MARCHF1: variants seen among roughly 807,000 people sequenced by gnomAD.
MARCHF1 encodes E3 ubiquitin-protein ligase MARCHF1.
Under a neutral mutation model 54.2 loss-of-function variants are expected in MARCHF1, and 40 were observed. The observed-to-expected ratio is 0.74, with a 90% CI of 0.57 to 0.96. MARCHF1 has a LOEUF of 0.96. MARCHF1 is among the 40% of genes least tolerant of loss of function. The pLI, the probability that MARCHF1 is intolerant of heterozygous loss-of-function variation, is 0.00. For synonymous variants in MARCHF1, 236 were observed against 236.3 expected, an observed-to-expected ratio of 1.00 and a Z score of 0.01; for missense variants, 586 against 656.5, an observed-to-expected ratio of 0.89 and a Z score of 1.17.
At chr4:164,321,656 T>C (rs1410234410) in intron 1 of MARCHF1, among the ~76,000 whole-genome samples, 1 of 152,122 alleles carries the variant, frequency 6.6e-6, no homozygotes, top group East Asian at 1.9e-4. Flanking sequence ...TGATAAGGTG[T>C]CATTCATCTT....
chr4:163,532,916 A>T (rs1294180457), intron 9 of MARCHF1, among the ~76,000 whole-genome samples: 3 of 152,012 alleles, frequency 2.0e-5, no homozygotes, highest in African/African-American at 7.2e-5. Context: ...CATTGCTGAT[A>T]GGTATGCAAA....
chr4:164,326,921 A>G (rs548813438), intron 1 of MARCHF1, among the ~76,000 whole-genome samples: 2 of 149,448 alleles, frequency 1.3e-5, no homozygotes, highest in East Asian at 4.0e-4. Flanking sequence ...ATAGGGGGTT[A>G]ATAATAGTAC....
chr4:163,873,084 C>CA (rs1248246825), intron 3 of MARCHF1, among the ~76,000 whole-genome samples: 63 of 145,082 alleles, frequency 4.3e-4, no homozygotes, highest in East Asian at 2.9e-3. Flanking sequence ...AACAAACAAA[C>CA]AAACAAAAAA....
intron 7 of MARCHF1, among the ~76,000 whole-genome samples, chr4:163,606,733 G>A (rs150309351): frequency 1.0e-3 from 152 of 152,018 alleles, no homozygotes; most frequent in African/African-American, 3.4e-3. Flanking sequence ...TGGTACTACT[G>A]CAGTTCTTTT....
At chr4:163,673,473 A>T (rs1322930513) in intron 5 of MARCHF1, among the ~76,000 whole-genome samples, 1 of 152,172 alleles carries the variant, frequency 6.6e-6, no homozygotes, top group Non-Finnish European at 1.5e-5. Context: ...AATAATAAAA[A>T]CAGAGGAACT....
At chr4:164,141,814 G>C (rs984172608) in intron 1 of MARCHF1, among the ~76,000 whole-genome samples, 2 of 152,212 alleles carry the variant, frequency 1.3e-5, no homozygotes, top group African/African-American at 2.4e-5. Context: ...GTTGGGGGGA[G>C]GAGCCAAGAT....
intron 3 of MARCHF1, among the ~76,000 whole-genome samples, chr4:163,927,624 T>C (rs1239072529): frequency 2.0e-5 from 3 of 151,832 alleles, no homozygotes; most frequent in African/African-American, 7.2e-5. Context: ...ATGAAACAGG[T>C]TGCCTGGTTA....
intron 2 of MARCHF1, among the ~76,000 whole-genome samples, chr4:164,052,318 G>A (rs1754389847): frequency 6.6e-6 from 1 of 152,036 alleles, no homozygotes; most frequent in Non-Finnish European, 1.5e-5. Flanking sequence ...GATCAATTGA[G>A]GTCAGGAGTT....
At chr4:163,650,313 G>A (rs1742919842) in intron 5 of MARCHF1, among the ~76,000 whole-genome samples, 1 of 151,962 alleles carries the variant, frequency 6.6e-6, no homozygotes, top group South Asian at 2.1e-4. Flanking sequence ...TTAAAGGTTA[G>A]AAGTAAATAT....
intron 4 of MARCHF1, among the ~76,000 whole-genome samples, chr4:163,780,564 A>T (rs1038974): frequency 0.84 from 127,712 of 152,022 alleles, 54,436 homozygotes; most frequent in East Asian, 0.95. Context: ...GTCCTGAGCA[A>T]AAAAATGAAG....
intron 4 of MARCHF1, among the ~76,000 whole-genome samples, chr4:163,809,613 T>C (rs551337799): frequency 6.3e-4 from 96 of 152,274 alleles, no homozygotes; most frequent in African/African-American, 2.3e-3. Flanking sequence ...ATGAGGCAAA[T>C]AGTATCTGCT....
At chr4:164,087,761 C>A (rs1755219980) in intron 2 of MARCHF1, among the ~76,000 whole-genome samples, 1 of 151,854 alleles carries the variant, frequency 6.6e-6, no homozygotes, top group South Asian at 2.1e-4. Flanking sequence ...CATCAAGGAA[C>A]TCAACAAATC....
chr4:164,214,086 TA>T (rs1222268456), intron 1 of MARCHF1, among the ~76,000 whole-genome samples: 1 of 152,062 alleles, frequency 6.6e-6, no homozygotes, highest in African/African-American at 2.4e-5. Context: ...ATAAAAATTT[TA>T]AAACGTCCAT....
At chr4:163,692,918 A>G (rs544656232) in intron 5 of MARCHF1, among the ~76,000 whole-genome samples, 3 of 151,530 alleles carry the variant, frequency 2.0e-5, no homozygotes, top group Admixed American at 2.0e-4. Flanking sequence ...ATGTGGTATG[A>G]GGCTATTAAT....
rs1471232386 is a variant in MARCHF1 at position 163,894,887 on chromosome 4, T to C, written c.-38-40718A>G. ...TGCATATATATATGCATGTGATGCA[T>C]ATATATATGCATGTGATGCATATAT... is the stretch of plus-strand genomic sequence containing the variant. On this transcript the variant is annotated intron_variant, in intron 3 of 9. Transcript: ENST00000514618. Among the ~76,000 whole-genome samples, 5 of 41,566 alleles carry C rather than the reference T, an allele frequency of 1.2e-4. 2 individuals are homozygous for C. Among genetic ancestry groups the C allele is most frequent in the African/African-American group, 2.8e-4 (5 of 17,580 alleles). The allele number at this position is 41,566 out of a possible 152,430, so 27.3% of individuals were successfully genotyped here. A position where few individuals can be genotyped will look rare whatever the true frequency, so the allele number is the denominator to read the frequency against.
intron 4 of MARCHF1, among the ~76,000 whole-genome samples, chr4:163,749,026 T>C (rs571340043): frequency 6.6e-5 from 10 of 152,374 alleles, no homozygotes; most frequent in African/African-American, 2.2e-4. Context: ...ATATTCCTTT[T>C]CTTTAGTCTA....
intron 8 of MARCHF1, among the ~76,000 whole-genome samples, chr4:163,565,834 T>C (rs562581871): frequency 3.2e-4 from 48 of 152,334 alleles, no homozygotes; most frequent in African/African-American, 1.1e-3. Context: ...ACTGCTCCTA[T>C]TGCATATTCT....
intron 1 of MARCHF1, among the ~76,000 whole-genome samples, chr4:164,151,981 T>A (rs1241179207): frequency 6.6e-6 from 1 of 152,146 alleles, no homozygotes; most frequent in Non-Finnish European, 1.5e-5. Context: ...ATTCTAACCA[T>A]ATCTATACAC....
At chr4:164,051,153 T>C (rs1579492149) in intron 2 of MARCHF1, among the ~76,000 whole-genome samples, 3 of 152,148 alleles carry the variant, frequency 2.0e-5, no homozygotes, top group East Asian at 1.9e-4. Flanking sequence ...AACCTTCCAA[T>C]TGAATTCCCA....
Sources: allele counts gnomAD v4.1 joint callset (sites outside exome capture counted in the v4.1 genomes callset), GRCh38; gene constraint gnomAD v4.1.1; transcripts MANE v1.5; gene names NCBI Gene and HGNC (gene_info 2026-07-23, HGNC 2026-07-21).